KNTC1: variants seen among roughly 807,000 people sequenced by gnomAD.
The protein encoded by KNTC1 is kinetochore-associated protein 1.
A neutral mutation model predicts 314.4 loss-of-function variants in KNTC1; 253 were observed. That is an observed-to-expected ratio of 0.80 (90% confidence interval 0.73 to 0.89). KNTC1 has a LOEUF of 0.89. KNTC1 is among the 40% of genes least tolerant of loss of function. The pLI is 0.00. For missense variants in KNTC1, 2,475 were observed against 2,572.9 expected (o/e 0.96, Z 0.82); for synonymous variants, 901 against 901.4 (o/e 1.00, Z 0.01).
Position 122,529,981 on chromosome 12 carries a change from A to G in KNTC1, c.-73-10A>G. The G allele has an allele frequency of 2.8e-6, 4 of 1,436,404 alleles. No individual in the cohort carries two copies. The highest frequency in any genetic ancestry group is 2.4e-5 in the Admixed American group (1 of 42,304). The allele number at this position is 1,436,404 out of a possible 1,614,324, so 89.0% of individuals were successfully genotyped here. On this transcript the variant is annotated splice_polypyrimidine_tract_variant and intron_variant, in intron 1 of 63. Transcript: ENST00000333479. ...ATCATTTCCCAAGGAACCAGGTTCT[A>G]TGCAACAAGATAATATGGTGTCTAA...
chr12:122,595,702 T>C (rs1870942787), intron 43 of KNTC1, among the ~76,000 whole-genome samples: 1 of 152,254 alleles, frequency 6.6e-6, no homozygotes, highest in South Asian at 2.1e-4. Context: ...TAGAGTGTTA[T>C]AAATCCAGAA....
chr12:122,554,703 A>G (rs1397956821), intron 16 of KNTC1, among the ~76,000 whole-genome samples: 1 of 152,208 alleles, frequency 6.6e-6, no homozygotes, highest in East Asian at 1.9e-4. Flanking sequence ...TGTGAAAGAA[A>G]TGAGGGGAAT....
At chr12:122,590,789 G>T (rs372846441) in intron 41 of KNTC1, 54 bp downstream of exon 41, 1 of 1,546,480 alleles carries the variant, frequency 6.5e-7, no homozygotes, top group African/African-American at 1.4e-5. Flanking sequence ...GATTGGGGGG[G>T]AGAAATGAAG....
At chr12:122,583,700 C>T (rs1027260636) in intron 34 of KNTC1, among the ~76,000 whole-genome samples, 2 of 152,170 alleles carry the variant, frequency 1.3e-5, no homozygotes, top group East Asian at 1.9e-4. Flanking sequence ...GTGGTGGGCA[C>T]CTCTAATCCC....
intron 63 of KNTC1, 109 bp from the exon 64 acceptor site, chr12:122,626,096 A>AT (rs1875018616): frequency 6.7e-6 from 5 of 749,376 alleles, no homozygotes; most frequent in Non-Finnish European, 1.1e-5. Flanking sequence ...AAATAGTTTG[A>AT]TATGTAGATT....
intron 48 of KNTC1, among the ~76,000 whole-genome samples, 193 bp downstream of exon 48, chr12:122,603,436 T>C (rs1384544752): frequency 6.6e-6 from 1 of 152,070 alleles, no homozygotes. Flanking sequence ...TTGTGCCGCC[T>C]TTGGGGTGTG....
chr12:122,591,941 G>A (rs1003104862), intron 42 of KNTC1, among the ~76,000 whole-genome samples: 4 of 152,218 alleles, frequency 2.6e-5, no homozygotes, highest in Non-Finnish European at 4.4e-5. Flanking sequence ...GGAGCCCTTC[G>A]GCCTGCCGCT....
intron 37 of KNTC1, among the ~76,000 whole-genome samples, chr12:122,586,129 C>T (rs1293650258): frequency 6.6e-6 from 1 of 152,194 alleles, no homozygotes. Context: ...GTCACTCAGG[C>T]TGGAGTGCAG....
intron 18 of KNTC1, among the ~76,000 whole-genome samples, chr12:122,560,897 G>A (rs1356230628): frequency 6.6e-6 from 1 of 152,212 alleles, no homozygotes; most frequent in Non-Finnish European, 1.5e-5. Context: ...GACTCTCAAA[G>A]TGTTGGGATT....
intron 29 of KNTC1, among the ~76,000 whole-genome samples, chr12:122,576,275 G>C (rs923444684): frequency 1.4e-4 from 21 of 152,190 alleles, no homozygotes; most frequent in Admixed American, 1.3e-3. Context: ...ATGTTGGTCA[G>C]GCTGGTTGGT....
At chr12:122,587,322 A>C (rs570195107) in intron 38 of KNTC1, among the ~76,000 whole-genome samples, 2 of 152,356 alleles carry the variant, frequency 1.3e-5, no homozygotes, top group Non-Finnish European at 1.5e-5. Context: ...GAAATTCTAA[A>C]TATGAATGTG....
At chr12:122,608,226 C>T (rs1872739308) in intron 51 of KNTC1, among the ~76,000 whole-genome samples, 1 of 152,142 alleles carries the variant, frequency 6.6e-6, no homozygotes, top group Non-Finnish European at 1.5e-5. Context: ...TGTCATGCCT[C>T]AGTCTCCAGA....
rs771125382 is a variant in KNTC1 at position 122,547,468 on chromosome 12, C to T, written c.870C>T (p.Pro290=). 1.9e-6 allele frequency: 3 copies of T among 1,613,420 alleles called. No homozygotes were observed. The highest frequency in any genetic ancestry group is 3.3e-5 in the Admixed American group (2 of 59,988). ...IYTLTPVWNW[P]SLHVEEFLLT... is the part of the protein sequence containing the mutation. ...CTCTAACTCCTGTATGGAACTGGCC[C>T]TCTCTTCACGTAGAAGAGTTTCTTC... The change falls in exon 11 of 64, where the codon CCC becomes CCT. Residue 290 remains proline (P), a synonymous_variant. Transcript: ENST00000333479.
At chr12:122,603,533 G>C (rs113527426) in intron 48 of KNTC1, among the ~76,000 whole-genome samples, 1 of 151,240 alleles carries the variant, frequency 6.6e-6, no homozygotes, top group Admixed American at 6.6e-5. Context: ...TTGCTCTGTC[G>C]CCAGGCTGGA....
chr12:122,566,606 C>T (rs1036696362), intron 20 of KNTC1, among the ~76,000 whole-genome samples: 6 of 151,750 alleles, frequency 4.0e-5, no homozygotes, highest in Non-Finnish European at 7.4e-5. Context: ...GATGGGGTTT[C>T]GTCATTTGGA....
intron 33 of KNTC1, 85 bp downstream of exon 33, chr12:122,580,755 G>A (rs905494010): frequency 2.6e-5 from 22 of 835,724 alleles, no homozygotes; most frequent in East Asian, 1.2e-4. Flanking sequence ...ATGGCTGGGC[G>A]CAGTGGCTTA....
In KNTC1 at chr12:122,571,035, C is replaced by G; in HGVS notation, c.1928C>G (p.Pro643Arg). Residue 643 changes from proline to arginine, a missense_variant, in exon 24 of 64, where the codon CCA becomes CGA. By Grantham distance (103) the Pro-to-Arg change is moderately radical (BLOSUM62 -2). Transcript: ENST00000333479. ...NLELTDKANW[P>R]ENGLQLAEIF... Reference sequence around the variant, plus strand: ...TAATCTTTTTTAAAGGCAAATTGGCCAGAAAATGGACTTCAATTGGCAGAG... The same window carrying G: ...TAATCTTTTTTAAAGGCAAATTGGCGAGAAAATGGACTTCAATTGGCAGAG... 6.2e-7 allele frequency: 1 copy of G among 1,612,698 alleles called. No homozygotes were observed. Among genetic ancestry groups the G allele is most frequent in the Admixed American group, 1.7e-5 (1 of 59,960 alleles).
At chr12:122,600,180 A>G (rs568583789) in intron 44 of KNTC1, among the ~76,000 whole-genome samples, 1 of 151,946 alleles carries the variant, frequency 6.6e-6, no homozygotes, top group African/African-American at 2.4e-5. Flanking sequence ...GCTCACTGCA[A>G]CCTCCGCCTC....
chr12:122,590,646 G>A lies in KNTC1; in HGVS notation c.4039G>A (p.Gly1347Ser). Residue 1347 changes from glycine to serine, a missense_variant, in exon 41 of 64, where the codon GGT becomes AGT. Transcript: ENST00000333479. ...CTTGGTAGATCTTGACCTGGCGTTG[G>A]GTTACTGCACTCTCTTACCTCAAAA... ...CRLVDLDLAL[G>S]YCTLLPQKDV... The A allele has an allele frequency of 6.2e-7, 1 of 1,613,298 alleles. No individual in the cohort carries two copies. Among genetic ancestry groups the A allele is most frequent in the Non-Finnish European group, 8.5e-7 (1 of 1,179,552 alleles).
Sources: allele counts gnomAD v4.1 joint callset (sites outside exome capture counted in the v4.1 genomes callset), GRCh38; gene constraint gnomAD v4.1.1; transcripts MANE v1.5; gene names NCBI Gene and HGNC (gene_info 2026-07-23, HGNC 2026-07-21).